Variants in MBD2 observed in about 807,000 individuals in gnomAD.
MBD2 encodes methyl-CpG-binding domain protein 2.
Under a neutral mutation model 39.3 loss-of-function variants are expected in MBD2, and 9 were observed. That is an observed-to-expected ratio of 0.23 (90% CI 0.14 to 0.40). MBD2 has a LOEUF of 0.40. MBD2 is among the 10% of genes least tolerant of loss of function. The pLI is 1.00. For synonymous variants in MBD2, 233 were observed against 211.1 expected (o/e 1.10, Z -0.90); for missense variants, 458 against 532.6 (o/e 0.86, Z 1.38).
rs1288730020 is a variant in MBD2, at chr18:54,159,663, C to T, written c.*12+102G>A. 3.7e-6 allele frequency: 5 copies of T among 1,344,082 alleles called. No homozygotes were observed. In the African/African-American group the frequency reaches 5.8e-5, roughly 15 times the overall value. The allele number at this position is 1,344,082 out of a possible 1,614,324, so 83.3% of individuals were successfully genotyped here. A position where few individuals can be genotyped will look rare whatever the true frequency, so the allele number is the denominator to read the frequency against. On this transcript the variant is annotated intron_variant, in intron 6 of 6. Coordinates refer to ENST00000256429, the MANE Select transcript of MBD2 (RefSeq NM_003927.5). Reference sequence around the variant, plus strand: ...CGAACTACTGAGCTCAACTGATCGCCCGCCTCAGCCACCCAAGTGCTGGGA... The same window carrying T: ...CGAACTACTGAGCTCAACTGATCGCTCGCCTCAGCCACCCAAGTGCTGGGA...
rs563779901 is a variant in MBD2, at chr18:54,177,807, C to A, written c.840+11067G>T. Among the ~76,000 whole-genome samples, 8 of 148,236 alleles carry A rather than the reference C, an allele frequency of 5.4e-5. No homozygotes were observed. In the East Asian group the frequency reaches 1.6e-3, roughly 29 times the overall value. ...ATTCTTTCTGTAGGACACTAACAGG[C>A]ACTATTTTTTTTTTCCTCTCTTTTT... On this transcript the variant is annotated intron_variant, in intron 3 of 6. Transcript: ENST00000256429.
At chr18:54,170,004 A>G (rs907980969) in intron 3 of MBD2, among the ~76,000 whole-genome samples, 1 of 152,226 alleles carries the variant, frequency 6.6e-6, no homozygotes, top group Non-Finnish European at 1.5e-5. Context: ...CTATCCAGGA[A>G]ACCAGCTGAT....
chr18:54,200,915 TAAGA>T (rs958258839), intron 2 of MBD2, among the ~76,000 whole-genome samples: 5 of 151,806 alleles, frequency 3.3e-5, no homozygotes, highest in African/African-American at 1.2e-4. Flanking sequence ...CCATCTCTAC[TAAGA>T]AATACAAAAA....
intron 6 of MBD2, among the ~76,000 whole-genome samples, chr18:54,156,592 C>T (rs2086053047): frequency 6.6e-6 from 1 of 152,120 alleles, no homozygotes; most frequent in Non-Finnish European, 1.5e-5. Flanking sequence ...ATGCTGTAAT[C>T]CCAGCACTTT....
intron 3 of MBD2, among the ~76,000 whole-genome samples, chr18:54,176,664 C>T (rs2086214378): frequency 6.6e-6 from 1 of 152,130 alleles, no homozygotes; most frequent in African/African-American, 2.4e-5. Flanking sequence ...CCAATCAGCC[C>T]CATATAGTAT....
chr18:54,189,822 A>AT (rs199604435), intron 2 of MBD2, among the ~76,000 whole-genome samples: 2,466 of 151,244 alleles, frequency 0.016, 29 homozygotes, highest in Non-Finnish European at 0.022. Flanking sequence ...AAGTTTTTGT[A>AT]TTTTTTTTGT....
chr18:54,201,773 G>A lies in MBD2; in HGVS notation c.702+3225C>T, dbSNP rs866794204. Among the ~76,000 whole-genome samples the A allele has an allele frequency of 4.0e-5, 6 of 150,230 alleles. No individual in the cohort carries two copies. The East Asian group carries it at 6.0e-4, about 15-fold the overall frequency. ...AGCTACTCGGGAGGCTGAGGCAGGA[G>A]AATGGCGTGAACCTGGGAGGCAAAG... is the stretch of plus-strand genomic sequence containing the variant. On this transcript the variant is annotated intron_variant, in intron 2 of 6. Transcript: ENST00000256429.
At chr18:54,214,550 G>A (rs2144347178) in intron 1 of MBD2, among the ~76,000 whole-genome samples, 1 of 152,134 alleles carries the variant, frequency 6.6e-6, no homozygotes, top group South Asian at 2.1e-4. Flanking sequence ...CCTAAGGTCT[G>A]CCCTAATCAC....
intron 5 of MBD2, among the ~76,000 whole-genome samples, chr18:54,162,279 C>T (rs1394277520): frequency 6.6e-6 from 1 of 152,144 alleles, no homozygotes; most frequent in Non-Finnish European, 1.5e-5. Flanking sequence ...AACGAAAGTA[C>T]TCATCAATGC....
chr18:54,160,114 C>T, intron 5 of MBD2: 1 of 506,522 alleles, frequency 2.0e-6, no homozygotes, highest in Non-Finnish European at 3.5e-6. Flanking sequence ...AGGCAGTTAT[C>T]CCTCATCACA....
At chr18:54,193,623 C>T (rs929249577) in intron 2 of MBD2, among the ~76,000 whole-genome samples, 3 of 151,754 alleles carry the variant, frequency 2.0e-5, no homozygotes, top group African/African-American at 4.8e-5. Flanking sequence ...ACAAAATACA[C>T]AAAAATTAAT....
chr18:54,209,760 C>T (rs1043598007), intron 1 of MBD2, among the ~76,000 whole-genome samples: 1 of 152,140 alleles, frequency 6.6e-6, no homozygotes, highest in Non-Finnish European at 1.5e-5. Flanking sequence ...GAGATACAGA[C>T]CATCTGTACA....
chr18:54,164,453 C>A, intron 5 of MBD2, 70 bp downstream of exon 5: 3 of 1,414,598 alleles, frequency 2.1e-6, no homozygotes, highest in South Asian at 2.5e-5. Flanking sequence ...GCCACTGAAC[C>A]TAATGAACAG....
chr18:54,193,488 G>A (rs902026864), intron 2 of MBD2, among the ~76,000 whole-genome samples: 4 of 152,148 alleles, frequency 2.6e-5, no homozygotes, highest in South Asian at 4.2e-4. Context: ...TATTTTTCTT[G>A]AGGATCTATT....
chr18:54,220,196 A>C (rs2086598168), intron 1 of MBD2, among the ~76,000 whole-genome samples: 2 of 152,198 alleles, frequency 1.3e-5, no homozygotes, highest in Non-Finnish European at 2.9e-5. Context: ...AGTGTTATGC[A>C]AGCAACTAGA....
intron 3 of MBD2, among the ~76,000 whole-genome samples, chr18:54,169,132 C>T (rs2086160162): frequency 6.6e-6 from 1 of 152,174 alleles, no homozygotes; most frequent in Non-Finnish European, 1.5e-5. Flanking sequence ...AGGCTCAGCA[C>T]AAGCAACTTC....
At chr18:54,216,813 AT>A (rs2086565466) in intron 1 of MBD2, among the ~76,000 whole-genome samples, 1 of 152,160 alleles carries the variant, frequency 6.6e-6, no homozygotes, top group African/African-American at 2.4e-5. Context: ...CATGCCTGTA[AT>A]CTCAGCATTC....
At chr18:54,211,241 G>A (rs995020081) in intron 1 of MBD2, among the ~76,000 whole-genome samples, 7 of 151,912 alleles carry the variant, frequency 4.6e-5, no homozygotes, top group East Asian at 1.9e-4. Flanking sequence ...AGTATTCAAC[G>A]AAACATTTCC....
rs2086643006 is a variant in MBD2 at position 54,224,294 on chromosome 18, C to G, written c.266G>C (p.Gly89Ala). The stretch of plus-strand genomic sequence containing the variant: ...GGGACGGCCGCGGCCCCGGCCCCGG[C>G]CCCGTCCCCGTCCCCGGCCACGGCC... ...GRGRGRGRGR[G>A]RGRGRGRPPS... The change falls in exon 1 of 7, where the codon GGC becomes GCC. Residue 89 changes from glycine (G) to alanine (A), a missense_variant. By Grantham distance (60) the Gly-to-Ala change is moderately conservative. Coordinates refer to ENST00000256429, the MANE Select transcript of MBD2 (RefSeq NM_003927.5). The G allele has an allele frequency of 1.1e-6, 1 of 943,488 alleles. No homozygotes were observed. The highest frequency in any genetic ancestry group is 4.7e-5 in the South Asian group (1 of 21,314). The allele number at this position is 943,488 out of a possible 1,614,324, so 58.4% of individuals were successfully genotyped here.
Sources: allele counts gnomAD v4.1 joint callset (sites outside exome capture counted in the v4.1 genomes callset), GRCh38; gene constraint gnomAD v4.1.1; transcripts MANE v1.5; gene names NCBI Gene and HGNC (gene_info 2026-07-23, HGNC 2026-07-21).